ALG8: variants seen among roughly 807,000 people sequenced by gnomAD.
ALG8 encodes dolichyl pyrophosphate Glc1Man9GlcNAc2 alpha-1,3-glucosyltransferase.
ALG8 carries 48 observed loss-of-function variants against 70.2 expected under a neutral mutation model. That is an observed-to-expected ratio of 0.68 (90% confidence interval 0.54 to 0.87). ALG8 has a LOEUF of 0.87. ALG8 is among the 40% of genes least tolerant of loss of function. ALG8 has a pLI of 0.00. For missense variants in ALG8, 572 were observed against 608.7 expected, an observed-to-expected ratio of 0.94 and a Z score of 0.64; for synonymous variants, 234 against 229.0, an observed-to-expected ratio of 1.02 and a Z score of -0.20.
chr11:78,103,872 G>A, intron 12 of ALG8, 108 bp downstream of exon 12: 1 of 608,406 alleles, frequency 1.6e-6, no homozygotes, highest in Admixed American at 3.2e-5. Context: ...TTGTAATGTT[G>A]TCATATTACT....
chr11:78,106,667 C>T (rs764773281), intron 10 of ALG8, 140 bp downstream of exon 10: 9 of 1,074,428 alleles, frequency 8.4e-6, no homozygotes, highest in South Asian at 7.9e-5. Flanking sequence ...GCATCCCTGT[C>T]CTGTCCTAGT....
intron 2 of ALG8, among the ~76,000 whole-genome samples, chr11:78,124,761 T>C (rs1860989739): frequency 6.6e-6 from 1 of 152,140 alleles, no homozygotes; most frequent in African/African-American, 2.4e-5. Context: ...GAAGATTAAA[T>C]GAGATAATAC....
At chr11:78,105,844 G>A (rs1214217509) in intron 10 of ALG8, among the ~76,000 whole-genome samples, 3 of 151,976 alleles carry the variant, frequency 2.0e-5, no homozygotes, top group Admixed American at 1.3e-4. Context: ...AAGTAGCTGG[G>A]ATTACAGGCA....
chr11:78,110,830 C>A (rs1860252853), intron 8 of ALG8, among the ~76,000 whole-genome samples: 1 of 152,148 alleles, frequency 6.6e-6, no homozygotes, highest in Admixed American at 6.5e-5. Flanking sequence ...CCTGCTGATT[C>A]TCTCTTACAG....
chr11:78,122,758 T>C (rs941138891), intron 3 of ALG8, among the ~76,000 whole-genome samples: 7 of 152,166 alleles, frequency 4.6e-5, no homozygotes, highest in African/African-American at 1.7e-4. Context: ...CATTTTGAGT[T>C]AAAAAGAGTA....
chr11:78,122,026 GT>G (rs1860844106), intron 3 of ALG8, among the ~76,000 whole-genome samples: 1 of 152,126 alleles, frequency 6.6e-6, no homozygotes, highest in Admixed American at 6.6e-5. Context: ...ATTAGTATAC[GT>G]GGGGGAGTAT....
chr11:78,139,196 T>A (rs886869596), intron 1 of ALG8: 8 of 444,510 alleles, frequency 1.8e-5, no homozygotes, highest in African/African-American at 1.6e-4. Flanking sequence ...CATCTGATAA[T>A]ACTGGCTGAA....
intron 1 of ALG8, among the ~76,000 whole-genome samples, chr11:78,129,531 G>A (rs1027251430): frequency 2.0e-5 from 3 of 152,190 alleles, no homozygotes; most frequent in African/African-American, 4.8e-5. Flanking sequence ...TTCACACAAT[G>A]GAATACTGTA....
Position 78,110,162 on chromosome 11 carries a change from A to G in ALG8, c.899-581T>C, listed in dbSNP as rs1860218891. Among the ~76,000 whole-genome samples, 2 of 151,926 alleles carry G rather than the reference A, an allele frequency of 1.3e-5. 1 individual carries two copies. Among genetic ancestry groups the G allele is most frequent in the South Asian group, 4.1e-4 (2 of 4,828 alleles). Reference sequence around the variant, plus strand: ...GAAAGCTCCTAAATCAATAAGCAGAACTGATTTTCTTGTGAGCTCACTTTT... The same window carrying G: ...GAAAGCTCCTAAATCAATAAGCAGAGCTGATTTTCTTGTGAGCTCACTTTT... On this transcript the variant is annotated intron_variant, in intron 8 of 12. Coordinates refer to ENST00000299626, the MANE Select transcript of ALG8 (RefSeq NM_024079.5).
intron 10 of ALG8, among the ~76,000 whole-genome samples, chr11:78,105,543 T>C (rs957050526): frequency 2.6e-5 from 4 of 151,280 alleles, no homozygotes; most frequent in African/African-American, 9.7e-5. Context: ...TTGGCTCACA[T>C]CTGCAATCCC....
At chr11:78,112,556 A>G in intron 8 of ALG8, 94 bp downstream of exon 8, 1 of 1,567,628 alleles carries the variant, frequency 6.4e-7, no homozygotes, top group African/African-American at 1.4e-5. Flanking sequence ...CAAACAATTC[A>G]GCCACATTCA....
intron 7 of ALG8, among the ~76,000 whole-genome samples, chr11:78,113,572 G>C (rs903099603): frequency 2.0e-5 from 3 of 151,890 alleles, no homozygotes; most frequent in Admixed American, 2.0e-4. Context: ...AATTAGCCAG[G>C]CATGGTGGCA....
chr11:78,137,809 G>T (rs676881), intron 1 of ALG8, among the ~76,000 whole-genome samples: 29,088 of 152,070 alleles, frequency 0.19, 3,210 homozygotes, highest in African/African-American at 0.29. Flanking sequence ...GAAAAAGTGT[G>T]AAATATTTCA....
At position 78,101,080 on chromosome 11, in the gene ALG8, A is replaced by AGG. The variant is rs749259253; in HGVS notation, c.1463_1464dup (p.Phe489ProfsTer7). 1 of 1,614,090 alleles carries AGG rather than the reference A, an allele frequency of 6.2e-7. No individual in the cohort carries two copies. The highest frequency in any genetic ancestry group is 1.3e-5 in the African/African-American group (1 of 74,932). On this transcript the variant is annotated frameshift_variant, in exon 13 of 13. Coordinates refer to ENST00000299626, the MANE Select transcript of ALG8 (RefSeq NM_024079.5). LOFTEE classifies it high-confidence loss of function. ...ACTGAGGTTAGTAACAAAGGGATGA[A>AGG]GGGGTACTTCACCTTCCAGGAGGTG...
At chr11:78,127,072 C>G (rs1019858550) in intron 2 of ALG8, among the ~76,000 whole-genome samples, 2 of 149,480 alleles carry the variant, frequency 1.3e-5, no homozygotes, top group African/African-American at 5.1e-5. Context: ...CTCCGCCTCC[C>G]AGGTTCAAGT....
chr11:78,107,479 A>G (rs1394641548), intron 9 of ALG8, among the ~76,000 whole-genome samples: 1 of 146,212 alleles, frequency 6.8e-6, no homozygotes, highest in African/African-American at 2.5e-5. Flanking sequence ...TTGGCCTCCC[A>G]AAGTGCTGGG....
chr11:78,139,291 TCAGA>T (rs1404938493), intron 1 of ALG8, 199 bp downstream of exon 1: 1 of 609,272 alleles, frequency 1.6e-6, no homozygotes, highest in East Asian at 2.8e-5. Flanking sequence ...TTGTTCCAAA[TCAGA>T]CAGCGCCAGG....
In ALG8 at chr11:78,119,201, G is replaced by A; in HGVS notation, c.527C>T (p.Ser176Phe). The change falls in exon 5 of 13, where the codon TCC becomes TTC. Residue 176 changes from serine (S) to phenylalanine (F), a missense_variant. By Grantham distance (155) the Ser-to-Phe change is radical. Transcript: ENST00000299626. ...GTTTACCTGAAATAATCGTGCAATG[G>A]AGAGTAGCATTAATCCAAATAAAAA... Reference protein sequence around the residue: ...NGFLFGLMLLSIARLFQKRHM... With the variant: ...NGFLFGLMLLFIARLFQKRHM... 2 of 1,610,836 alleles carry A rather than the reference G, an allele frequency of 1.2e-6. No individual in the cohort carries two copies. The highest frequency in any genetic ancestry group is 1.7e-6 in the Non-Finnish European group (2 of 1,177,220).
At chr11:78,132,471 T>C (rs1861345450) in intron 1 of ALG8, among the ~76,000 whole-genome samples, 1 of 152,318 alleles carries the variant, frequency 6.6e-6, no homozygotes, top group Non-Finnish European at 1.5e-5. Context: ...ACTGAGCTTA[T>C]AAAATCAAAA....
Sources: gnomAD v4.1 joint callset for allele counts (sites outside exome capture counted in the v4.1 genomes callset) on GRCh38, gnomAD v4.1.1 for gene constraint, MANE v1.5 for transcripts, NCBI Gene and HGNC (gene_info 2026-07-23, HGNC 2026-07-21) for gene names.